DMD: variants seen among roughly 807,000 people sequenced by gnomAD.
DMD encodes mutant dystrophin.
Under a neutral mutation model 330.1 loss-of-function variants are expected in DMD, and 63 were observed. The observed-to-expected ratio is 0.19, with a 90% CI of 0.16 to 0.24. The LOEUF is 0.24. DMD is among the 10% of genes least tolerant of loss of function. The probability of loss-of-function intolerance (pLI) is 1.00; values close to 1 mark genes in which losing one functional copy is unlikely to be tolerated. For synonymous variants in DMD, 1,223 were observed against 959.8 expected (o/e 1.27, Z -5.07); for missense variants, 3,344 against 2,684.1 (o/e 1.25, Z -5.43).
chrX:32,268,886 A>G (rs149613938), intron 43 of DMD, among the ~76,000 whole-genome samples: 1 of 110,253 alleles, frequency 9.1e-6, no homozygotes, highest in Admixed American at 9.7e-5. Context: ...GTCAGATATG[A>G]GCAGGGTAGG....
chrX:32,327,463 T>C (rs1314145394), intron 41 of DMD, among the ~76,000 whole-genome samples: 1 of 110,901 alleles, frequency 9.0e-6, no homozygotes, highest in Non-Finnish European at 1.9e-5. Flanking sequence ...TGTATAGAAA[T>C]GGTTATATTT....
intron 7 of DMD, among the ~76,000 whole-genome samples, chrX:32,770,363 T>C (rs2073473082): frequency 8.9e-6 from 1 of 111,761 alleles, no homozygotes; most frequent in African/African-American, 3.2e-5. Flanking sequence ...TAAATTCCTC[T>C]AGTATTGCTA....
chrX:33,070,998 C>T (rs1477267026), intron 1 of DMD, among the ~76,000 whole-genome samples: 4 of 110,299 alleles, frequency 3.6e-5, no homozygotes, highest in South Asian at 7.7e-4. Flanking sequence ...GCCCTTCCTA[C>T]ATACTCATTG....
intron 77 of DMD, 112 bp downstream of exon 77, chrX:31,133,990 A>G: frequency 3.0e-6 from 2 of 660,869 alleles, no homozygotes; most frequent in Non-Finnish European, 4.9e-6. Flanking sequence ...CCAAATTGCC[A>G]TTCTGATACT....
intron 2 of DMD, among the ~76,000 whole-genome samples, chrX:32,888,271 A>C (rs1335267077): frequency 9.1e-6 from 1 of 110,337 alleles, no homozygotes; most frequent in African/African-American, 3.3e-5. Flanking sequence ...TCCTGTGTGC[A>C]TTAGGTATTT....
intron 60 of DMD, among the ~76,000 whole-genome samples, chrX:31,387,493 G>A (rs539306643): frequency 9.0e-6 from 1 of 110,943 alleles, no homozygotes; most frequent in African/African-American, 3.3e-5. Context: ...TCTGCCTCCT[G>A]GGTTCATGTG....
intron 2 of DMD, chrX:32,960,137 T>C (rs73468806): frequency 0.065 from 7,313 of 112,086 alleles, 200 homozygotes; most frequent in African/African-American, 0.12. Flanking sequence ...TATGCTCTAC[T>C]AGCAAGTCTC....
intron 50 of DMD, among the ~76,000 whole-genome samples, chrX:31,788,545 T>C (rs1227690213): frequency 9.0e-6 from 1 of 111,584 alleles, no homozygotes; most frequent in Non-Finnish European, 1.9e-5. Flanking sequence ...ATGTATATTC[T>C]CCTGCTGTTA....
intron 60 of DMD, among the ~76,000 whole-genome samples, chrX:31,378,954 A>G (rs1194407006): frequency 9.0e-6 from 1 of 110,895 alleles, no homozygotes; most frequent in East Asian, 2.8e-4. Flanking sequence ...CAATTTTTCC[A>G]TCCTACAAGC....
intron 44 of DMD, among the ~76,000 whole-genome samples, chrX:32,057,160 A>G (rs1298549937): frequency 8.9e-6 from 1 of 111,811 alleles, no homozygotes; most frequent in Non-Finnish European, 1.9e-5. Flanking sequence ...AGTGAATATC[A>G]CATTTAATGG....
intron 1 of DMD, among the ~76,000 whole-genome samples, chrX:33,176,793 G>A (rs771029898): frequency 1.5e-3 from 163 of 110,513 alleles, no homozygotes; most frequent in African/African-American, 5.1e-3. Flanking sequence ...AAAATTAGCC[G>A]GTCATGGTGG....
intron 44 of DMD, among the ~76,000 whole-genome samples, chrX:32,182,998 T>A (rs1432332030): frequency 9.0e-6 from 1 of 110,921 alleles, no homozygotes; most frequent in Admixed American, 9.7e-5. Context: ...TATCTTTGAA[T>A]CTCTACAGGA....
chrX:33,092,551 G>A (rs964474246), intron 1 of DMD, among the ~76,000 whole-genome samples: 9 of 110,855 alleles, frequency 8.1e-5, no homozygotes, highest in Non-Finnish European at 1.1e-4. Context: ...CTTATTTTCC[G>A]TTTTCTTTGG....
At position 31,627,754 on chromosome X, in the gene DMD, G is replaced by A. The variant is rs1603430183; in HGVS notation, c.8136C>T (p.Ala2712=). The change falls in exon 55 of 79, where the codon GCC becomes GCT. Residue 2712 remains alanine (A), a synonymous_variant. Transcript: ENST00000357033. Reference sequence around the variant, plus strand: ...TACGGGTAGCATCCTGTAGGACATTGGCAGTTGTTTCAGCTTCTGTAAGCC... The same window carrying A: ...TACGGGTAGCATCCTGTAGGACATTAGCAGTTGTTTCAGCTTCTGTAAGCC... ...LAWLTEAETT[A]NVLQDATRKE... The A allele has an allele frequency of 1.7e-6, 2 of 1,211,074 alleles. No homozygotes were observed. Among genetic ancestry groups the A allele is most frequent in the Admixed American group, 2.2e-5 (1 of 45,962 alleles).
At chrX:32,448,402 A>T in intron 27 of DMD, 54 bp downstream of exon 27, 1 of 1,164,878 alleles carries the variant, frequency 8.6e-7, no homozygotes, top group East Asian at 3.0e-5. Flanking sequence ...ACTATGCCTC[A>T]CATATGACCA....
intron 7 of DMD, among the ~76,000 whole-genome samples, chrX:32,752,884 T>C (rs1034986148): frequency 2.7e-5 from 3 of 110,789 alleles, no homozygotes; most frequent in African/African-American, 9.9e-5. Flanking sequence ...TCCTGTAAAA[T>C]GTGACTTACT....
chrX:32,999,193 T>C (rs1014418383), intron 2 of DMD, among the ~76,000 whole-genome samples: 1 of 112,849 alleles, frequency 8.9e-6, no homozygotes, highest in African/African-American at 3.2e-5. Flanking sequence ...TGAAGCAAGC[T>C]TGTCCAACCC....
At chrX:32,387,511 T>C (rs984418500) in intron 32 of DMD, among the ~76,000 whole-genome samples, 11 of 111,053 alleles carry the variant, frequency 9.9e-5, no homozygotes, top group African/African-American at 3.3e-4. Flanking sequence ...AGAACAAAAA[T>C]TGGGTTTAAT....
At chrX:31,439,725 ATAC>A (rs2064795481) in intron 60 of DMD, among the ~76,000 whole-genome samples, 1 of 112,122 alleles carries the variant, frequency 8.9e-6, no homozygotes, top group African/African-American at 3.2e-5. Flanking sequence ...ATTCCTTTAT[ATAC>A]TACTTGCGCT....
Sources: gnomAD v4.1 joint callset for allele counts (sites outside exome capture counted in the v4.1 genomes callset) on GRCh38, gnomAD v4.1.1 for gene constraint, MANE v1.5 for transcripts, NCBI Gene and HGNC (gene_info 2026-07-23, HGNC 2026-07-21) for gene names.